ARHGEF12: variants seen among roughly 807,000 people sequenced by gnomAD.
ARHGEF12 encodes KMT2A/ARHGEF12 fusion protein.
ARHGEF12 carries 66 observed loss-of-function variants against 211.2 expected under a neutral mutation model. The ratio of observed to expected loss-of-function variants is 0.31; its 90% confidence interval spans 0.26 to 0.38. ARHGEF12 has a LOEUF of 0.38. Ranked by LOEUF, ARHGEF12 falls within the 10% of genes least tolerant of loss-of-function variation. The pLI, the probability that ARHGEF12 is intolerant of heterozygous loss-of-function variation, is 1.00. For missense variants in ARHGEF12, 1,429 were observed against 1,869.5 expected (o/e 0.76, Z 4.34); for synonymous variants, 592 against 638.4 (o/e 0.93, Z 1.09).
chr11:120,420,360 T>A (rs1945149022), intron 4 of ARHGEF12, among the ~76,000 whole-genome samples: 1 of 152,214 alleles, frequency 6.6e-6, no homozygotes, highest in African/African-American at 2.4e-5. Flanking sequence ...TTGATTTTTC[T>A]TGGGTTAAAC....
At position 120,479,455 on chromosome 11, in the gene ARHGEF12, A is replaced by C. The variant is rs1947164334; in HGVS notation, c.3767-505A>C. On this transcript the variant is annotated intron_variant, in intron 37 of 40. Transcript: ENST00000397843. ...CTCATAGCATACACTTGGCCCATTC[A>C]AAATTAAATTGGTTCTTATTTTCAG... 2.0e-5 allele frequency among the ~76,000 whole-genome samples: 3 copies of C among 152,238 alleles called. No homozygotes were observed. In the South Asian group the frequency reaches 6.2e-4, roughly 32 times the overall value.
At chr11:120,342,460 G>A (rs1022292672) in intron 1 of ARHGEF12, among the ~76,000 whole-genome samples, 2 of 152,074 alleles carry the variant, frequency 1.3e-5, no homozygotes, top group Admixed American at 1.3e-4. Context: ...GATTCTAAAT[G>A]TTTCAGACGG....
At chr11:120,341,120 C>T (rs982881407) in intron 1 of ARHGEF12, among the ~76,000 whole-genome samples, 10 of 152,084 alleles carry the variant, frequency 6.6e-5, no homozygotes, top group Non-Finnish European at 4.4e-5. Context: ...AGTGCAGTGG[C>T]GTGATCCCCT....
At chr11:120,402,803 A>G (rs1344613475) in intron 1 of ARHGEF12, among the ~76,000 whole-genome samples, 1 of 152,032 alleles carries the variant, frequency 6.6e-6, no homozygotes, top group Non-Finnish European at 1.5e-5. Flanking sequence ...AAAAGAAAAA[A>G]ACAATTTCTA....
chr11:120,406,689 G>C (rs1230451347), intron 2 of ARHGEF12, among the ~76,000 whole-genome samples: 1 of 152,144 alleles, frequency 6.6e-6, no homozygotes, highest in Admixed American at 6.5e-5. Flanking sequence ...CTCCCGAGTA[G>C]CTGGGACTAC....
chr11:120,457,444 C>T (rs987769867), intron 23 of ARHGEF12, 194 bp downstream of exon 23: 23 of 511,022 alleles, frequency 4.5e-5, no homozygotes, highest in Admixed American at 1.6e-4. Flanking sequence ...GCCTGGGCAA[C>T]GTAGTGAGCC....
At chr11:120,372,572 A>T (rs1943618859) in intron 1 of ARHGEF12, among the ~76,000 whole-genome samples, 1 of 152,116 alleles carries the variant, frequency 6.6e-6, no homozygotes, top group South Asian at 2.1e-4. Context: ...TCCTAGGTTA[A>T]CTTTCTGCAT....
At chr11:120,475,634 A>G (rs935038896) in intron 33 of ARHGEF12, 127 bp downstream of exon 33, 12 of 994,332 alleles carry the variant, frequency 1.2e-5, no homozygotes, top group Non-Finnish European at 1.4e-5. Flanking sequence ...AGCAAATTAC[A>G]TGAAATTTAC....
At chr11:120,452,169 A>G (rs1421702977) in intron 22 of ARHGEF12, among the ~76,000 whole-genome samples, 1 of 152,210 alleles carries the variant, frequency 6.6e-6, no homozygotes, top group Non-Finnish European at 1.5e-5. Flanking sequence ...TTTATTTTTC[A>G]ATGTTAATAG....
At chr11:120,426,558 A>G (rs1275931465) in intron 7 of ARHGEF12, among the ~76,000 whole-genome samples, 1 of 152,242 alleles carries the variant, frequency 6.6e-6, no homozygotes, top group African/African-American at 2.4e-5. Flanking sequence ...GGGAAAAGCT[A>G]GGAAGCTATT....
Position 120,337,218 on chromosome 11 carries a change from A to G in ARHGEF12, c.-26A>G. ...TACTGTAAAATGCAAGTTGGATAAA[A>G]GGAGGACCTCTCGCCAAGGGCCCCA... On this transcript the variant is annotated 5_prime_UTR_variant, in exon 1 of 41. Transcript: ENST00000397843. 6.2e-7 allele frequency: 1 copy of G among 1,614,146 alleles called. No individual in the cohort carries two copies. Among genetic ancestry groups the G allele is most frequent in the Non-Finnish European group, 8.5e-7 (1 of 1,180,016 alleles).
At chr11:120,374,379 T>C (rs1943669005) in intron 1 of ARHGEF12, among the ~76,000 whole-genome samples, 2 of 152,220 alleles carry the variant, frequency 1.3e-5, no homozygotes, top group African/African-American at 4.8e-5. Flanking sequence ...TTCATTCATT[T>C]TTATTTAAGC....
chr11:120,339,624 G>C (rs1942469240), intron 1 of ARHGEF12, among the ~76,000 whole-genome samples: 1 of 152,220 alleles, frequency 6.6e-6, no homozygotes, highest in Admixed American at 6.5e-5. Flanking sequence ...GTGTGAGTTA[G>C]AGTTCTTTCA....
At chr11:120,355,192 C>T (rs1943096464) in intron 1 of ARHGEF12, among the ~76,000 whole-genome samples, 1 of 152,112 alleles carries the variant, frequency 6.6e-6, no homozygotes, top group Non-Finnish European at 1.5e-5. Context: ...AAACATTTGC[C>T]CATGCTTGTT....
At chr11:120,384,298 G>T (rs1329370927) in intron 1 of ARHGEF12, among the ~76,000 whole-genome samples, 1 of 152,134 alleles carries the variant, frequency 6.6e-6, no homozygotes, top group African/African-American at 2.4e-5. Flanking sequence ...ACAGAACCTT[G>T]AGCTATAATT....
In ARHGEF12 at chr11:120,336,427, C is replaced by T. The variant is rs1942344881; in HGVS notation, c.-817C>T. On this transcript the variant is annotated 5_prime_UTR_variant, in exon 1 of 41. Transcript: ENST00000397843. ...CGAGGGCCTCCAGAACCCGGCGAGC[C>T]GGCCCTGCGCCGGGAGACGCCGCCG... is the stretch of plus-strand genomic sequence containing the variant. 2.6e-5 allele frequency among the ~76,000 whole-genome samples: 4 copies of T among 151,532 alleles called. No individual in the cohort carries two copies. The highest frequency in any genetic ancestry group is 6.6e-5 in the Admixed American group (1 of 15,218).
At chr11:120,374,412 C>A (rs1943669940) in intron 1 of ARHGEF12, among the ~76,000 whole-genome samples, 1 of 152,102 alleles carries the variant, frequency 6.6e-6, no homozygotes, top group South Asian at 2.1e-4. Flanking sequence ...TAGGGGGGTA[C>A]TTCTGGCAAT....
intron 22 of ARHGEF12, among the ~76,000 whole-genome samples, chr11:120,452,507 C>A (rs1946241506): frequency 6.6e-6 from 1 of 151,994 alleles, no homozygotes; most frequent in Non-Finnish European, 1.5e-5. Context: ...ATGAAGACGG[C>A]AAGGAACCAA....
intron 6 of ARHGEF12, 67 bp downstream of exon 6, chr11:120,421,919 AT>A: frequency 2.4e-6 from 3 of 1,249,174 alleles, no homozygotes; most frequent in Non-Finnish European, 3.4e-6. Context: ...TCATATTCTG[AT>A]TTTTTTCACT....
Sources: gnomAD v4.1 joint callset for allele counts (sites outside exome capture counted in the v4.1 genomes callset) on GRCh38, gnomAD v4.1.1 for gene constraint, MANE v1.5 for transcripts, NCBI Gene and HGNC (gene_info 2026-07-23, HGNC 2026-07-21) for gene names.